The following KAT8 variants were observed in gnomAD, a reference collection of about 807,000 sequenced individuals.
KAT8 encodes histone acetyltransferase KAT8.
KAT8 carries 40 observed loss-of-function variants against 62.9 expected under a neutral mutation model. That is an observed-to-expected ratio of 0.64 (90% confidence interval 0.49 to 0.83). KAT8 has a LOEUF of 0.83. Among genes scored for constraint, KAT8 ranks in the 40% least tolerant of loss-of-function variants. The pLI is 0.00. For missense variants in KAT8, 387 were observed against 614.8 expected (o/e 0.63, Z 3.92); for synonymous variants, 278 against 254.5 (o/e 1.09, Z -0.88).
intron 5 of KAT8, 60 bp downstream of exon 5, chr16:31,127,413 A>G (rs1374510278): frequency 3.8e-6 from 6 of 1,582,780 alleles, no homozygotes; most frequent in Admixed American, 1.7e-5. Context: ...AGAGGCAGGC[A>G]TGGAGACTGA....
intron 1 of KAT8, among the ~76,000 whole-genome samples, chr16:31,118,990 C>T (rs532850693): frequency 5.3e-4 from 79 of 150,300 alleles, no homozygotes; most frequent in African/African-American, 1.9e-3. Flanking sequence ...CTCAAGTGAT[C>T]CTCCCACCTC....
intron 1 of KAT8, among the ~76,000 whole-genome samples, chr16:31,119,299 G>A (rs1423596601): frequency 6.6e-6 from 1 of 151,970 alleles, no homozygotes. Flanking sequence ...ACAGTTGTGC[G>A]CCACCACACC....
rs1596824540 is a variant in KAT8 at position 31,128,065 on chromosome 16, C to T, written c.697C>T (p.Arg233Trp). The T allele has an allele frequency of 4.3e-6, 7 of 1,613,726 alleles. No homozygotes were observed. The highest frequency in any genetic ancestry group is 2.2e-5 in the South Asian group (2 of 91,070). Residue 233 changes from arginine to tryptophan, a missense_variant, in exon 6 of 11, where the codon CGG (arginine) becomes TGG (tryptophan). Arg to Trp is a moderately radical substitution (Grantham distance 101). This residue lies in a region of KAT8 where 141 missense variants were observed against 222.5 expected (regional missense o/e 0.63). Transcript: ENST00000219797. The part of the protein sequence containing the change: ...YRFHLGQCQW[R>W]QPPGKEIYRK... ...CCCCGACCAGGGTCAGTGCCAGTGG[C>T]GGCAGCCCCCCGGGAAAGAGATCTA...
chr16:31,130,280 C>T lies in KAT8; in HGVS notation c.926C>T (p.Pro309Leu), dbSNP rs771121616. The T allele has an allele frequency of 2.5e-6, 4 of 1,614,036 alleles. No homozygotes were observed. The highest frequency in any genetic ancestry group is 1.7e-6 in the Non-Finnish European group (2 of 1,180,022). Residue 309 changes from proline (P) to leucine (L), a missense_variant, in exon 8 of 11, where the codon CCG becomes CTG. Pro to Leu is a moderately conservative substitution (Grantham distance 98). Transcript: ENST00000219797. Reference protein sequence around the residue: ...VGYFSKEKESPDGNNVACILT... With the variant: ...VGYFSKEKESLDGNNVACILT... ...TGCCTCCTGCAGGAGAAGGAGTCCC[C>T]GGATGGAAACAATGTGGCCTGCATC... is the stretch of plus-strand genomic sequence containing the variant.
chr16:31,117,838 G>A lies in KAT8; in HGVS notation c.157G>A (p.Val53Ile). The change falls in exon 1 of 11, where the codon GTC becomes ATC. Residue 53 changes from valine to isoleucine, a missense_variant. Physicochemically the swap from Val to Ile is conservative, Grantham distance 29 (BLOSUM62 3). Coordinates refer to ENST00000219797, the MANE Select transcript of KAT8 (RefSeq NM_032188.3). ...PPTPARGEPE[V>I]TVEIGETYLC... ...GACCCCGGCGCGCGGCGAGCCGGAAGTCACGGTGGAGATCGGAGAAACGTA... is the reference window on the plus strand; with the variant it reads ...GACCCCGGCGCGCGGCGAGCCGGAAATCACGGTGGAGATCGGAGAAACGTA... 4 of 1,444,112 alleles carry A rather than the reference G, an allele frequency of 2.8e-6. No homozygotes were observed. The highest frequency in any genetic ancestry group is 3.7e-6 in the Non-Finnish European group (4 of 1,089,108). The allele number at this position is 1,444,112 out of a possible 1,614,324, so 89.5% of individuals were successfully genotyped here.
Position 31,130,105 on chromosome 16 carries a change from T to C in KAT8, c.860T>C (p.Ile287Thr). Residue 287 changes from isoleucine to threonine, a missense_variant, in exon 7 of 11, where the codon ATC becomes ACC. Physicochemically the swap from Ile to Thr is moderately conservative, Grantham distance 89. Transcript: ENST00000219797. ...GACGTGGAGCCGTTCGTCTTTTACA[T>C]CCTGACTGAGGTGGACCGGCAGGGG... ...YFDVEPFVFY[I>T]LTEVDRQGAH... is the part of the protein sequence containing the mutation. The C allele has an allele frequency of 6.2e-7, 1 of 1,603,100 alleles. No homozygotes were observed. Among genetic ancestry groups the C allele is most frequent in the Non-Finnish European group, 8.5e-7 (1 of 1,176,780 alleles).
At position 31,117,877 on chromosome 16, in the gene KAT8, C is replaced by T. The variant is rs1219244558; in HGVS notation, c.196C>T (p.Pro66Ser). The change falls in exon 1 of 11, where the codon CCG becomes TCG. Residue 66 changes from proline (P) to serine (S), a missense_variant. This residue lies in a region of KAT8 where 69 missense variants were observed against 127.0 expected (regional missense o/e 0.54). Transcript: ENST00000219797. ...CGGAGAAACGTACCTGTGCCGGCGACCGGATAGCACCTGGCGTGAGGGCGG... is the reference window on the plus strand; with the variant it reads ...CGGAGAAACGTACCTGTGCCGGCGATCGGATAGCACCTGGCGTGAGGGCGG... The part of the protein sequence containing the change: ...EIGETYLCRR[P>S]DSTWHSAEVI... The T allele has an allele frequency of 7.2e-7, 1 of 1,387,844 alleles. No individual in the cohort carries two copies. The allele number at this position is 1,387,844 out of a possible 1,614,324, so 86.0% of individuals were successfully genotyped here. A position where few individuals can be genotyped will look rare whatever the true frequency, so the allele number is the denominator to read the frequency against.
At chr16:31,125,393 C>A (rs1186864962) in intron 3 of KAT8, among the ~76,000 whole-genome samples, 1 of 152,016 alleles carries the variant, frequency 6.6e-6, no homozygotes, top group Non-Finnish European at 1.5e-5. Flanking sequence ...CACCTGAGGT[C>A]AGGAGTTTGA....
rs1199300232 is a variant in KAT8 at position 31,120,220 on chromosome 16, C to T, written c.246C>T (p.Asp82=). ...AAGTGATCCAGTCTCGAGTGAACGACCAGGAGGGCCGAGAGGAATTCTATG... is the reference window on the plus strand; with the variant it reads ...AAGTGATCCAGTCTCGAGTGAACGATCAGGAGGGCCGAGAGGAATTCTATG... ...SAEVIQSRVN[D]QEGREEFYVH... Residue 82 remains aspartate, a synonymous_variant, in exon 2 of 11, where the codon GAC becomes GAT. Transcript: ENST00000219797. 9 of 1,614,040 alleles carry T rather than the reference C, an allele frequency of 5.6e-6. No individual in the cohort carries two copies. Among genetic ancestry groups the T allele is most frequent in the African/African-American group, 2.7e-5 (2 of 74,916 alleles).
intron 1 of KAT8, among the ~76,000 whole-genome samples, chr16:31,119,926 C>A (rs1199761503): frequency 6.6e-6 from 1 of 152,012 alleles, no homozygotes; most frequent in Admixed American, 6.6e-5. Flanking sequence ...AGTGATCTGC[C>A]CATCTCGGCC....
At position 31,117,815 on chromosome 16, in the gene KAT8, C is replaced by A. The variant is rs769001983; in HGVS notation, c.134C>A (p.Thr45Asn). 30 of 1,435,244 alleles carry A rather than the reference C, an allele frequency of 2.1e-5. No homozygotes were observed. Among genetic ancestry groups the A allele is most frequent in the African/African-American group, 3.0e-5 (2 of 67,254 alleles). The allele number at this position is 1,435,244 out of a possible 1,614,324, so 88.9% of individuals were successfully genotyped here. The stretch of plus-strand genomic sequence containing the variant: ...TCCCCGGGCCGCGTCTCTCCGCCGA[C>A]CCCGGCGCGCGGCGAGCCGGAAGTC... ...APSPGRVSPP[T>N]PARGEPEVTV... Residue 45 changes from threonine to asparagine, a missense_variant, in exon 1 of 11, where the codon ACC becomes AAC. Transcript: ENST00000219797.
rs1320578903 is a variant in KAT8, at chr16:31,130,315, C to G, written c.961C>G (p.Pro321Ala). ...GNNVACILTL[P>A]PYQRRGYGKF... ...CAATGTGGCCTGCATCCTGACCTTG[C>G]CCCCCTACCAACGCCGCGGCTACGG... Residue 321 changes from proline (P) to alanine (A), a missense_variant, in exon 8 of 11, where the codon CCC becomes GCC. By Grantham distance (27) the Pro-to-Ala change is conservative. Coordinates refer to ENST00000219797, the MANE Select transcript of KAT8 (RefSeq NM_032188.3). 1 of 1,614,160 alleles carries G rather than the reference C, an allele frequency of 6.2e-7. No individual in the cohort carries two copies. The highest frequency in any genetic ancestry group is 1.7e-5 in the Admixed American group (1 of 60,024).
At position 31,130,430 on chromosome 16, in the gene KAT8, T is replaced by C. The variant is rs1470795970; in HGVS notation, c.1007-26T>C. ...AGGGGTGCCAGGGCAGGCTGGATCC[T>C]AAGTTCCTCTTTCTACTGCTGCCAG... On this transcript the variant is annotated intron_variant, in intron 8 of 10. Coordinates refer to ENST00000219797, the MANE Select transcript of KAT8 (RefSeq NM_032188.3). The C allele has an allele frequency of 4.3e-6, 7 of 1,614,004 alleles. No homozygotes were observed. In the African/African-American group the frequency reaches 8.0e-5, roughly 18 times the overall value.
At chr16:31,121,310 G>T in intron 3 of KAT8, among the ~76,000 whole-genome samples, 1 of 151,924 alleles carries the variant, frequency 6.6e-6, no homozygotes, top group South Asian at 2.1e-4. Flanking sequence ...TAGTAGAGAC[G>T]AGGTTTCGCC....
intron 6 of KAT8, 77 bp downstream of exon 6, chr16:31,128,216 G>T: frequency 8.7e-7 from 1 of 1,150,192 alleles, no homozygotes; most frequent in South Asian, 1.3e-5. Context: ...CACCACCAAA[G>T]GGGAGGGGGC....
At position 31,120,328 on chromosome 16, in the gene KAT8, C is replaced by T. The variant is rs1217346346; in HGVS notation, c.287-11C>T. 6.2e-7 allele frequency: 1 copy of T among 1,614,072 alleles called. No individual in the cohort carries two copies. The highest frequency in any genetic ancestry group is 8.5e-7 in the Non-Finnish European group (1 of 1,179,920). ...CTGCCCTGGCAGCACTCTTATGGCC[C>T]ATACTTACAGTTAACCGGCGGCTGG... On this transcript the variant is annotated splice_polypyrimidine_tract_variant and intron_variant, in intron 2 of 10. Transcript: ENST00000219797.
In KAT8 at chr16:31,127,118, T is replaced by TC. The variant is rs538486705; in HGVS notation, c.516+35dup. On this transcript the variant is annotated intron_variant, in intron 4 of 10. Coordinates refer to ENST00000219797, the MANE Select transcript of KAT8 (RefSeq NM_032188.3). ...GTGGGGCTGGGAAGCTGCCTGCAGG[T>TC]CCCCCGTCTCCCCTTGCCGAGGAGC... 1.9e-6 allele frequency: 3 copies of TC among 1,613,752 alleles called. No individual in the cohort carries two copies. The South Asian group carries it at 3.3e-5, about 18-fold the overall frequency.
chr16:31,123,257 A>C (rs1205211532), intron 3 of KAT8, among the ~76,000 whole-genome samples: 1 of 152,096 alleles, frequency 6.6e-6, no homozygotes, highest in Non-Finnish European at 1.5e-5. Flanking sequence ...CACTCTGTTA[A>C]CCAGGCTGGA....
intron 6 of KAT8, 87 bp downstream of exon 6, chr16:31,128,226 C>A (rs889200473): frequency 9.6e-7 from 1 of 1,046,446 alleles, no homozygotes; most frequent in East Asian, 2.6e-5. Flanking sequence ...GGGGAGGGGG[C>A]AGCCTTAGCT....
Sources: allele counts gnomAD v4.1 joint callset (sites outside exome capture counted in the v4.1 genomes callset), GRCh38; gene constraint gnomAD v4.1.1; regional missense constraint gnomAD v4.1.1; transcripts MANE v1.5; gene names NCBI Gene and HGNC (gene_info 2026-07-23, HGNC 2026-07-21).